ITGA9: variants seen among roughly 807,000 people sequenced by gnomAD.
ITGA9 encodes integrin subunit alpha 9, also known as integrin alpha-9.
In ITGA9, 56 loss-of-function variants were observed where a neutral mutation model predicts 127.8. The observed-to-expected ratio is 0.44, with a 90% confidence interval of 0.35 to 0.55. The LOEUF is 0.55. ITGA9 is among the 20% of genes least tolerant of loss of function. ITGA9 has a pLI of 0.00. For missense variants in ITGA9, 1,196 were observed against 1,347.1 expected, an observed-to-expected ratio of 0.89 and a Z score of 1.76; for synonymous variants, 508 against 514.5, an observed-to-expected ratio of 0.99 and a Z score of 0.17.
chr3:37,513,913 C>G lies in ITGA9; in HGVS notation c.1035+13C>G, dbSNP rs369389729. On this transcript the variant is annotated intron_variant, in intron 9 of 27. Transcript: ENST00000264741. ...CAACAGAGGAAATGTGAGTACAATA[C>G]TGGGCAATGTGCGGATGGGTGTGGG... is the stretch of plus-strand genomic sequence containing the variant. The G allele has an allele frequency of 1.7e-5, 28 of 1,612,712 alleles. No homozygotes were observed. The highest frequency in any genetic ancestry group is 2.4e-5 in the Non-Finnish European group (28 of 1,179,954).
intron 4 of ITGA9, among the ~76,000 whole-genome samples, chr3:37,490,928 C>T (rs1194749191): frequency 2.0e-5 from 3 of 149,350 alleles, no homozygotes; most frequent in South Asian, 2.2e-4. Context: ...TTCTAAGTCC[C>T]CTTGTTCAAC....
chr3:37,685,871 A>G (rs537497539), intron 18 of ITGA9, among the ~76,000 whole-genome samples: 1 of 152,250 alleles, frequency 6.6e-6, no homozygotes, highest in South Asian at 2.1e-4. Flanking sequence ...TAGTCTTACT[A>G]TTTTATAAAC....
chr3:37,733,525 A>C (rs1029830361), intron 19 of ITGA9, among the ~76,000 whole-genome samples: 2 of 140,340 alleles, frequency 1.4e-5, no homozygotes, highest in African/African-American at 5.0e-5. Context: ...CAAAAAAAAA[A>C]AAAAAAAAAA....
At chr3:37,645,790 G>C (rs1199249918) in intron 16 of ITGA9, among the ~76,000 whole-genome samples, 1 of 152,252 alleles carries the variant, frequency 6.6e-6, no homozygotes, top group South Asian at 2.1e-4. Flanking sequence ...ATGATAGCTG[G>C]ACTAGGCTAA....
chr3:37,498,930 C>T (rs1174990298), intron 5 of ITGA9, among the ~76,000 whole-genome samples: 1 of 152,228 alleles, frequency 6.6e-6, no homozygotes, highest in East Asian at 1.9e-4. Flanking sequence ...CTCTTGCTGA[C>T]CTCGCCACTT....
chr3:37,474,586 CG>C (rs1698471140), intron 3 of ITGA9, among the ~76,000 whole-genome samples: 1 of 152,194 alleles, frequency 6.6e-6, no homozygotes, highest in Admixed American at 6.5e-5. Flanking sequence ...GCCAGTACTC[CG>C]GAAGAACCCC....
intron 16 of ITGA9, among the ~76,000 whole-genome samples, chr3:37,638,515 T>G (rs542757479): frequency 1.3e-5 from 2 of 151,960 alleles, no homozygotes; most frequent in South Asian, 4.2e-4. Context: ...GAGGAAAGAT[T>G]CTGAGAGTGA....
In ITGA9 at chr3:37,512,061, T is replaced by C. The variant is rs1447068679; in HGVS notation, c.898-1702T>C. On this transcript the variant is annotated intron_variant, in intron 8 of 27. Coordinates refer to ENST00000264741, the MANE Select transcript of ITGA9 (RefSeq NM_002207.3). ...CTTTCTTTCTTTCTTTCTTTCTTTC[T>C]TTCTTTCTTTCTTTCCTTCCTTCCT... Among the ~76,000 whole-genome samples the C allele has an allele frequency of 1.2e-3, 85 of 73,086 alleles. 1 individual carries two copies. The highest frequency in any genetic ancestry group is 3.4e-3 in the African/African-American group (72 of 21,208). 47.9% of individuals were successfully genotyped at this position (73,086 alleles called of 152,430 possible).
chr3:37,818,811 C>T (rs1697474159), intron 27 of ITGA9, 80 bp from the exon 28 acceptor site: 1 of 1,048,328 alleles, frequency 9.5e-7, no homozygotes, highest in Non-Finnish European at 1.5e-6. Flanking sequence ...CACACCTACC[C>T]AGGGACAGAC....
At chr3:37,735,278 C>T (rs1467244927) in intron 19 of ITGA9, among the ~76,000 whole-genome samples, 2 of 152,176 alleles carry the variant, frequency 1.3e-5, no homozygotes, top group East Asian at 1.9e-4. Flanking sequence ...CCAGTCAAGA[C>T]CCTGCCTCTC....
At chr3:37,578,426 G>A (rs1410457536) in intron 15 of ITGA9, among the ~76,000 whole-genome samples, 1 of 152,160 alleles carries the variant, frequency 6.6e-6, no homozygotes, top group Non-Finnish European at 1.5e-5. Context: ...GAAACGTAAA[G>A]GCCAGTCAGC....
intron 16 of ITGA9, among the ~76,000 whole-genome samples, chr3:37,641,851 G>A (rs372021489): frequency 1.3e-4 from 20 of 152,090 alleles, no homozygotes; most frequent in East Asian, 7.7e-4. Context: ...TGCTTTTCCC[G>A]TGGCCAGCTC....
Position 37,616,789 on chromosome 3 carries a change from C to T in ITGA9, c.1690-12398C>T, listed in dbSNP as rs1342081196. 7.2e-5 allele frequency among the ~76,000 whole-genome samples: 11 copies of T among 152,264 alleles called. No homozygotes were observed. In the East Asian group the frequency reaches 2.1e-3, roughly 29 times the overall value. ...TTATCAGAGACTAGGATTGCAACCC[C>T]TGCCATTTTTTGTTTTCCGTTTGCT... is the stretch of plus-strand genomic sequence containing the variant. On this transcript the variant is annotated intron_variant, in intron 15 of 27. Transcript: ENST00000264741.
At chr3:37,611,201 C>T (rs1700013093) in intron 15 of ITGA9, among the ~76,000 whole-genome samples, 1 of 152,352 alleles carries the variant, frequency 6.6e-6, no homozygotes, top group African/African-American at 2.4e-5. Context: ...GTTCTATGCA[C>T]TGTGCTAAAG....
intron 18 of ITGA9, among the ~76,000 whole-genome samples, chr3:37,723,417 G>A (rs937559199): frequency 3.3e-5 from 5 of 152,248 alleles, no homozygotes; most frequent in Admixed American, 3.3e-4. Flanking sequence ...ATGAAATGCA[G>A]TAGTGCGATC....
intron 23 of ITGA9, among the ~76,000 whole-genome samples, chr3:37,769,025 C>T (rs1696811752): frequency 6.6e-6 from 1 of 152,132 alleles, no homozygotes; most frequent in Non-Finnish European, 1.5e-5. Context: ...GTAGAGGCAT[C>T]TATGCTTCTG....
chr3:37,687,623 A>G (rs1700794115), intron 18 of ITGA9, among the ~76,000 whole-genome samples: 1 of 152,256 alleles, frequency 6.6e-6, no homozygotes, highest in African/African-American at 2.4e-5. Context: ...ACTTAGCAGA[A>G]AACAAAGAAA....
intron 1 of ITGA9, among the ~76,000 whole-genome samples, chr3:37,461,285 T>C (rs1481593851): frequency 6.6e-6 from 1 of 152,186 alleles, no homozygotes; most frequent in East Asian, 1.9e-4. Context: ...GGCTCCAGCA[T>C]TAGCCCTGCC....
intron 13 of ITGA9, among the ~76,000 whole-genome samples, chr3:37,530,304 T>C (rs1012469966): frequency 1.3e-5 from 2 of 152,188 alleles, no homozygotes; most frequent in Non-Finnish European, 2.9e-5. Flanking sequence ...TGAGTTACTT[T>C]AGGTTTTGGG....
Sources: allele counts gnomAD v4.1 joint callset (sites outside exome capture counted in the v4.1 genomes callset), GRCh38; gene constraint gnomAD v4.1.1; transcripts MANE v1.5; gene names NCBI Gene and HGNC (gene_info 2026-07-23, HGNC 2026-07-21).